The following ALAD variants were observed in gnomAD, a reference collection of about 807,000 sequenced individuals.
ALAD encodes aminolevulinate dehydratase.
In ALAD, 20 loss-of-function variants were observed where a neutral mutation model predicts 44.4. That is an observed-to-expected ratio of 0.45 (90% CI 0.32 to 0.65). ALAD has a LOEUF of 0.65. Among genes scored for constraint, ALAD ranks in the 30% least tolerant of loss-of-function variants. The probability of loss-of-function intolerance (pLI) is 0.05; values close to 1 mark genes in which losing one functional copy is unlikely to be tolerated. For synonymous variants in ALAD, 156 were observed against 167.9 expected (o/e 0.93, Z 0.55); for missense variants, 323 against 445.7 (o/e 0.72, Z 2.48).
intron 3 of ALAD, among the ~76,000 whole-genome samples, chr9:113,391,846 GA>G (rs1440565555): frequency 6.6e-6 from 1 of 152,156 alleles, no homozygotes; most frequent in Admixed American, 6.5e-5. Flanking sequence ...AGGCTCCTTC[GA>G]GGCCCTCTTT....
chr9:113,388,967 G>A lies in ALAD; in HGVS notation c.931+10C>T. The A allele has an allele frequency of 6.2e-7, 1 of 1,613,770 alleles. No individual in the cohort carries two copies. ...GCGCAGGTCAAAACACCCCACCCTT[G>A]CCTGCCTACCTGCTCTGCGGAAGGC... is the stretch of plus-strand genomic sequence containing the variant. On this transcript the variant is annotated intron_variant, in intron 11 of 11. Coordinates refer to ENST00000409155, the MANE Select transcript of ALAD (RefSeq NM_000031.6).
At chr9:113,392,242 A>G (rs1173172393) in intron 2 of ALAD, 73 bp from the exon 3 acceptor site, 1 of 1,610,240 alleles carries the variant, frequency 6.2e-7, no homozygotes, top group Non-Finnish European at 8.5e-7. Flanking sequence ...ACTGAGAGGG[A>G]TGGTTGGGAA....
rs764685261 is a variant in ALAD, at chr9:113,393,397, C to A, written c.113+50G>T. 2.6e-6 allele frequency: 4 copies of A among 1,537,942 alleles called. No individual in the cohort carries two copies. The African/African-American group carries it at 5.4e-5, about 21-fold the overall frequency. On this transcript the variant is annotated intron_variant, in intron 2 of 11. Coordinates refer to ENST00000409155, the MANE Select transcript of ALAD (RefSeq NM_000031.6). The stretch of plus-strand genomic sequence containing the variant: ...CTCCAGTCAACACTCCCTCCCCAAC[C>A]CCAACCCCAACCAGCAGAGCAGAGG...
chr9:113,393,416 G>T (rs761953367), intron 2 of ALAD, 31 bp downstream of exon 2: 29 of 1,350,950 alleles, frequency 2.1e-5, no homozygotes, highest in African/African-American at 5.6e-5. Context: ...AACCAGCAGA[G>T]CAGAGGCCTG....
In ALAD at chr9:113,387,752, G is replaced by T. The variant is rs575708687; in HGVS notation, c.*548C>A. On this transcript the variant is annotated 3_prime_UTR_variant, in exon 12 of 12. Coordinates refer to ENST00000409155, the MANE Select transcript of ALAD (RefSeq NM_000031.6). The stretch of plus-strand genomic sequence containing the variant: ...ATGAGTAATTCTTCTCTGGGTTTAT[G>T]GTTCAGAGTAGAATAGGAGACCTCA... 1 of 167,440 alleles carries T rather than the reference G, an allele frequency of 6.0e-6. No individual in the cohort carries two copies. The highest frequency in any genetic ancestry group is 1.5e-4 in the South Asian group (1 of 6,802). The allele number at this position is 167,440 out of a possible 1,614,324, so 10.4% of individuals were successfully genotyped here. A position where few individuals can be genotyped will look rare whatever the true frequency, so the allele number is the denominator to read the frequency against.
intron 5 of ALAD, 27 bp from the exon 6 acceptor site, chr9:113,390,703 G>C: frequency 6.2e-7 from 1 of 1,609,506 alleles, no homozygotes; most frequent in Non-Finnish European, 8.5e-7. Flanking sequence ...TGGGTTTTGG[G>C]GAGCACCTTG....
At chr9:113,390,554 T>G (rs1282140949) in intron 6 of ALAD, 39 bp downstream of exon 6, 1 of 1,613,418 alleles carries the variant, frequency 6.2e-7, no homozygotes, top group African/African-American at 1.3e-5. Flanking sequence ...TGCCACCTCC[T>G]GACCCAGAGG....
chr9:113,399,493 T>C (rs1827807747), intron 1 of ALAD, among the ~76,000 whole-genome samples: 2 of 152,036 alleles, frequency 1.3e-5, no homozygotes, highest in Admixed American at 1.3e-4. Context: ...AAAAACAAAA[T>C]AATCACCACC....
rs1827506845 is a variant in ALAD, at chr9:113,389,456, C to A, written c.783G>T (p.Val261=). 1 of 1,613,636 alleles carries A rather than the reference C, an allele frequency of 6.2e-7. No individual in the cohort carries two copies. The highest frequency in any genetic ancestry group is 1.7e-4 in the Middle Eastern group (1 of 5,754). The change falls in exon 10 of 12, where the codon GTG becomes GTT. Residue 261 remains valine (V), a synonymous_variant. Coordinates refer to ENST00000409155, the MANE Select transcript of ALAD (RefSeq NM_000031.6). The part of the protein sequence containing the change: ...VKPGMPYLDI[V]REVKDKHPDL... ...TGCTCACCTTGTCCTTTACCTCCCG[C>A]ACGATGTCCAGGTAGGGCATTCCCG...
At position 113,393,587 on chromosome 9, in the gene ALAD, CAGTT is replaced by C; in HGVS notation, c.-32_-29del. 3.1e-6 allele frequency: 5 copies of C among 1,596,482 alleles called. No homozygotes were observed. The highest frequency in any genetic ancestry group is 4.3e-6 in the Non-Finnish European group (5 of 1,165,372). Reference sequence around the variant, plus strand: ...CGTGGGCCAGTGGGCACAGGGGCATCAGTTGGTTGGAACCGAGGGCTCCTGGGGC... The same window carrying C: ...CGTGGGCCAGTGGGCACAGGGGCATCGGTTGGAACCGAGGGCTCCTGGGGC... On this transcript the variant is annotated 5_prime_UTR_variant, in exon 2 of 12. An upstream open reading frame in the 5' UTR loses its in-frame stop. Transcript: ENST00000409155.
chr9:113,391,673 G>T, intron 3 of ALAD, 50 bp from the exon 4 acceptor site: 1 of 1,465,016 alleles, frequency 6.8e-7, no homozygotes, highest in South Asian at 1.1e-5. Flanking sequence ...CCCAGGCAAC[G>T]GTCCTCCGGA....
intron 10 of ALAD, 46 bp from the exon 11 acceptor site, chr9:113,389,152 G>A (rs1166585336): frequency 7.4e-6 from 12 of 1,612,332 alleles, no homozygotes; most frequent in Admixed American, 1.7e-5. Flanking sequence ...GAGGGTGGAT[G>A]TGGCTCTGGA....
intron 3 of ALAD, 67 bp from the exon 4 acceptor site, chr9:113,391,690 C>T: frequency 1.5e-6 from 2 of 1,312,368 alleles, no homozygotes; most frequent in Non-Finnish European, 2.2e-6. Context: ...CGGACCCCAC[C>T]ACACTGTGTG....
intron 1 of ALAD, among the ~76,000 whole-genome samples, 156 bp downstream of exon 1, chr9:113,401,052 CCAAA>C (rs1827840768): frequency 5.9e-5 from 9 of 152,158 alleles, no homozygotes; most frequent in Admixed American, 5.9e-4. Flanking sequence ...ATAATCCAGC[CCAAA>C]CAAACGCTCC....
At chr9:113,395,564 A>G (rs370807365) in intron 1 of ALAD, among the ~76,000 whole-genome samples, 48 of 152,348 alleles carry the variant, frequency 3.2e-4, no homozygotes, top group African/African-American at 1.1e-3. Flanking sequence ...TAGTGGACAC[A>G]AGACAGAAGG....
At position 113,388,128 on chromosome 9, in the gene ALAD, CA is replaced by C; in HGVS notation, c.*171del. On this transcript the variant is annotated 3_prime_UTR_variant, in exon 12 of 12. Transcript: ENST00000409155. ...GCTCATAGGATGCAGCTGCGAGTTA[CA>C]AGAGTTAGCATGCTGGCAAAACCAC... The C allele has an allele frequency of 1.4e-6, 1 of 699,488 alleles. No homozygotes were observed. Among genetic ancestry groups the C allele is most frequent in the Non-Finnish European group, 2.6e-6 (1 of 390,990 alleles). The allele number at this position is 699,488 out of a possible 1,614,324, so 43.3% of individuals were successfully genotyped here.
At chr9:113,394,186 T>A (rs1827669134) in intron 1 of ALAD, among the ~76,000 whole-genome samples, 1 of 150,592 alleles carries the variant, frequency 6.6e-6, no homozygotes, top group Non-Finnish European at 1.5e-5. Flanking sequence ...GCAATCTGCC[T>A]GCCTCAGCCT....
intron 1 of ALAD, among the ~76,000 whole-genome samples, chr9:113,399,964 AT>A (rs1827816092): frequency 6.6e-6 from 1 of 152,284 alleles, no homozygotes; most frequent in South Asian, 2.1e-4. Flanking sequence ...GCCAACCCAC[AT>A]TTCTTGAATA....
At position 113,390,924 on chromosome 9, in the gene ALAD, C is replaced by G. The variant is rs1233858449; in HGVS notation, c.271G>C (p.Gly91Arg). 3 of 1,613,974 alleles carry G rather than the reference C, an allele frequency of 1.9e-6. No homozygotes were observed. The highest frequency in any genetic ancestry group is 2.5e-6 in the Non-Finnish European group (3 of 1,180,022). The change falls in exon 5 of 12, where the codon GGT becomes CGT. Residue 91 changes from glycine (G) to arginine (R), a missense_variant. By Grantham distance (125) the Gly-to-Arg change is moderately radical. Transcript: ENST00000409155. ...GACTCCTCGGAGTCAGCTGCGGAAC[C>G]CCGCTCGTCCTAGGGGCAGGGGAGG... ...VPSRVPKDER[G>R]SAADSEESPA...
Sources: gnomAD v4.1 joint callset for allele counts (sites outside exome capture counted in the v4.1 genomes callset) on GRCh38, gnomAD v4.1.1 for gene constraint, MANE v1.5 for transcripts, NCBI Gene and HGNC (gene_info 2026-07-23, HGNC 2026-07-21) for gene names.